ARHGAP26: variants seen among roughly 807,000 people sequenced by gnomAD.
ARHGAP26 encodes Rho GTPase activating protein 26.
Under a neutral mutation model 104.8 loss-of-function variants are expected in ARHGAP26, and 38 were observed. That is an observed-to-expected ratio of 0.36 (90% CI 0.28 to 0.48). The LOEUF is 0.48. Among genes scored for constraint, ARHGAP26 ranks in the 20% least tolerant of loss-of-function variants. The pLI is 0.99. For missense variants in ARHGAP26, 704 were observed against 947.9 expected (o/e 0.74, Z 3.38); for synonymous variants, 341 against 340.0 (o/e 1.00, Z -0.03).
At chr5:142,820,196 C>G (rs1765847148) in intron 1 of ARHGAP26, among the ~76,000 whole-genome samples, 1 of 152,296 alleles carries the variant, frequency 6.6e-6, no homozygotes, top group South Asian at 2.1e-4. Context: ...CATTGAGGAA[C>G]ACTGCTTATC....
chr5:142,839,135 G>A (rs1156317514), intron 1 of ARHGAP26, among the ~76,000 whole-genome samples: 3 of 152,184 alleles, frequency 2.0e-5, no homozygotes, highest in Admixed American at 1.3e-4. Flanking sequence ...TATTTTATAA[G>A]TTTACATTTA....
chr5:142,798,051 A>G (rs1445124148), intron 1 of ARHGAP26, among the ~76,000 whole-genome samples: 1 of 152,176 alleles, frequency 6.6e-6, no homozygotes, highest in Non-Finnish European at 1.5e-5. Context: ...AGGGGCTACT[A>G]GCATTTGCCA....
intron 11 of ARHGAP26, among the ~76,000 whole-genome samples, chr5:143,002,456 G>A (rs1317573982): frequency 6.6e-6 from 1 of 152,130 alleles, no homozygotes; most frequent in African/African-American, 2.4e-5. Flanking sequence ...TTTCTTTTGG[G>A]AGGATGGGAG....
At chr5:143,050,469 C>T (rs777119053) in intron 14 of ARHGAP26, among the ~76,000 whole-genome samples, 23 of 152,160 alleles carry the variant, frequency 1.5e-4, no homozygotes, top group African/African-American at 2.2e-4. Flanking sequence ...CACTTACCGC[C>T]GATCCAGCCA....
intron 17 of ARHGAP26, among the ~76,000 whole-genome samples, chr5:143,117,629 G>C (rs1440685115): frequency 6.6e-6 from 1 of 152,216 alleles, no homozygotes; most frequent in Non-Finnish European, 1.5e-5. Flanking sequence ...AATGAATTAT[G>C]CTGGGTAACC....
At chr5:143,089,563 T>C (rs1293169711) in intron 17 of ARHGAP26, among the ~76,000 whole-genome samples, 6 of 152,204 alleles carry the variant, frequency 3.9e-5, no homozygotes, top group Admixed American at 2.6e-4. Context: ...TCTTCCTCTT[T>C]TTGCTACTAT....
chr5:142,989,568 C>T (rs1190881674), intron 11 of ARHGAP26, among the ~76,000 whole-genome samples: 1 of 152,310 alleles, frequency 6.6e-6, no homozygotes, highest in East Asian at 1.9e-4. Context: ...TTCTTCCTAG[C>T]ATCAATGGTC....
intron 11 of ARHGAP26, among the ~76,000 whole-genome samples, chr5:142,958,718 A>G (rs1393703580): frequency 1.3e-5 from 2 of 152,076 alleles, no homozygotes; most frequent in African/African-American, 2.4e-5. Context: ...TTCCTTAACT[A>G]TTGTGACCTT....
chr5:142,995,938 C>T (rs1234878617), intron 11 of ARHGAP26, among the ~76,000 whole-genome samples: 2 of 152,100 alleles, frequency 1.3e-5, no homozygotes, highest in East Asian at 3.9e-4. Flanking sequence ...TGCATGTTCT[C>T]ACTTATAAGT....
chr5:142,808,812 A>G (rs1026146757), intron 1 of ARHGAP26, among the ~76,000 whole-genome samples: 13 of 152,116 alleles, frequency 8.5e-5, no homozygotes, highest in African/African-American at 2.9e-4. Context: ...GGAGTGTACC[A>G]TAGCTCCTGT....
chr5:142,919,655 T>A (rs1762941495), intron 10 of ARHGAP26, among the ~76,000 whole-genome samples: 1 of 152,188 alleles, frequency 6.6e-6, no homozygotes, highest in African/African-American at 2.4e-5. Flanking sequence ...TCTTTTCTTT[T>A]ATTTTTTTAC....
chr5:143,122,947 G>T (rs1403146361), intron 18 of ARHGAP26, among the ~76,000 whole-genome samples: 1 of 152,128 alleles, frequency 6.6e-6, no homozygotes, highest in African/African-American at 2.4e-5. Context: ...CAAATTATAG[G>T]GCATGTAATA....
intron 19 of ARHGAP26, among the ~76,000 whole-genome samples, chr5:143,137,263 A>G (rs1235151836): frequency 6.6e-6 from 1 of 152,222 alleles, no homozygotes; most frequent in African/African-American, 2.4e-5. Flanking sequence ...GGAATCCACA[A>G]ACTGGCTTTT....
At chr5:143,149,102 G>A (rs566605754) in intron 20 of ARHGAP26, among the ~76,000 whole-genome samples, 3 of 152,174 alleles carry the variant, frequency 2.0e-5, no homozygotes, top group African/African-American at 7.2e-5. Flanking sequence ...GTCTAGATAC[G>A]ATTTATTTTC....
At chr5:142,980,511 C>T (rs1039767972) in intron 11 of ARHGAP26, among the ~76,000 whole-genome samples, 2 of 151,982 alleles carry the variant, frequency 1.3e-5, no homozygotes, top group African/African-American at 2.4e-5. Context: ...ACCTCAGCCT[C>T]CTGAGTGGCT....
intron 17 of ARHGAP26, among the ~76,000 whole-genome samples, chr5:143,112,105 A>G (rs752001361): frequency 2.0e-5 from 3 of 152,254 alleles, no homozygotes; most frequent in Non-Finnish European, 4.4e-5. Context: ...TCTGCTAAGT[A>G]GGGGAGACAG....
At chr5:142,794,557 T>C (rs1001735541) in intron 1 of ARHGAP26, among the ~76,000 whole-genome samples, 1 of 152,060 alleles carries the variant, frequency 6.6e-6, no homozygotes, top group African/African-American at 2.4e-5. Context: ...ACATTCAAAT[T>C]TGTAGGGGGA....
At chr5:143,126,974 T>C (rs1456216730) in intron 18 of ARHGAP26, among the ~76,000 whole-genome samples, 1 of 152,232 alleles carries the variant, frequency 6.6e-6, no homozygotes, top group Non-Finnish European at 1.5e-5. Context: ...ATTTTTATGC[T>C]TCCAGCTAAG....
At chr5:142,928,174 G>C (rs970416220) in intron 10 of ARHGAP26, among the ~76,000 whole-genome samples, 1 of 150,220 alleles carries the variant, frequency 6.7e-6, no homozygotes, top group South Asian at 2.1e-4. Flanking sequence ...CTTCATTTTG[G>C]TGAAGTCCAA....
Sources: gnomAD v4.1 joint callset for allele counts (sites outside exome capture counted in the v4.1 genomes callset) on GRCh38, gnomAD v4.1.1 for gene constraint, MANE v1.5 for transcripts, NCBI Gene and HGNC (gene_info 2026-07-23, HGNC 2026-07-21) for gene names.